Variants in MYH9 observed in about 807,000 individuals in gnomAD.
MYH9 encodes myosin-9.
MYH9 carries 29 observed loss-of-function variants against 241.9 expected under a neutral mutation model. The observed-to-expected ratio is 0.12, with a 90% CI of 0.09 to 0.16. MYH9 has a LOEUF of 0.16. Ranked by LOEUF, MYH9 falls within the 10% of genes least tolerant of loss-of-function variation. The probability of loss-of-function intolerance (pLI) is 1.00; values close to 1 mark genes in which losing one functional copy is unlikely to be tolerated. For missense variants in MYH9, 1,803 were observed against 2,595.5 expected, an observed-to-expected ratio of 0.69 and a Z score of 6.63; for synonymous variants, 1,047 against 1,062.6, an observed-to-expected ratio of 0.99 and a Z score of 0.29.
rs1368162237 is a variant in MYH9, at chr22:36,281,746, C to CA, written c.*921dup. 1 of 231,188 alleles carries CA rather than the reference C, an allele frequency of 4.3e-6. No homozygotes were observed. Among genetic ancestry groups the CA allele is most frequent in the African/African-American group, 2.2e-5 (1 of 45,204 alleles). 14.3% of individuals were successfully genotyped at this position (231,188 alleles called of 1,614,324 possible). A position where few individuals can be genotyped will look rare whatever the true frequency, so the allele number is the denominator to read the frequency against. On this transcript the variant is annotated 3_prime_UTR_variant, in exon 41 of 41. Transcript: ENST00000216181. ...GGCAGATTTTTAAACTATACTGAGT[C>CA]AACGGTGCAGGTAAACCACCCTCGG...
chr22:36,386,887 A>C (rs995184049), intron 1 of MYH9, among the ~76,000 whole-genome samples: 1 of 152,238 alleles, frequency 6.6e-6, no homozygotes, highest in African/African-American at 2.4e-5. Flanking sequence ...GAGAATAGAA[A>C]ACTCCGATTT....
At chr22:36,286,584 T>G (rs2016585129) in intron 35 of MYH9, 134 bp downstream of exon 35, 1 of 1,270,450 alleles carries the variant, frequency 7.9e-7, no homozygotes, top group Non-Finnish European at 1.1e-6. Context: ...GGAATCCTTA[T>G]GTAACCTGAG....
chr22:36,304,103 A>C lies in MYH9; in HGVS notation c.2282T>G (p.Val761Gly). 6.2e-7 allele frequency: 1 copy of C among 1,613,718 alleles called. No individual in the cohort carries two copies. Among genetic ancestry groups the C allele is most frequent in the Non-Finnish European group, 8.5e-7 (1 of 1,180,014 alleles). ...SNLYRIGQSK[V>G]FFRAGVLAHL... ...GGCCAGCACACCGGCACGGAAGAAG[A>C]CTTTGCTCTGGCCAATGCGGTACAG... is the stretch of plus-strand genomic sequence containing the variant. Residue 761 changes from valine (V) to glycine (G), a missense_variant, in exon 19 of 41, where the codon GTC becomes GGC. Transcript: ENST00000216181.
chr22:36,354,803 T>C (rs758417052), intron 1 of MYH9, among the ~76,000 whole-genome samples: 1 of 151,766 alleles, frequency 6.6e-6, no homozygotes, highest in Non-Finnish European at 1.5e-5. Context: ...GAAAAGAACA[T>C]ACAAACACTT....
intron 1 of MYH9, among the ~76,000 whole-genome samples, chr22:36,364,437 G>A (rs1603484360): frequency 6.6e-6 from 1 of 152,230 alleles, no homozygotes; most frequent in Non-Finnish European, 1.5e-5. Context: ...CCACTCTTAA[G>A]TGCCTGATGT....
chr22:36,368,987 G>A lies in MYH9; in HGVS notation c.-20+18820C>T, dbSNP rs117960963. ...CTGTGACCTGTATTAAAAGGGAAGAGACCCACCCCTCTGCAGCCCCTCTGT... is the reference window on the plus strand; with the variant it reads ...CTGTGACCTGTATTAAAAGGGAAGAAACCCACCCCTCTGCAGCCCCTCTGT... On this transcript the variant is annotated intron_variant, in intron 1 of 40. Transcript: ENST00000216181. 3.4e-3 allele frequency among the ~76,000 whole-genome samples: 513 copies of A among 152,180 alleles called. 6 individuals carry two copies. In the East Asian group the frequency reaches 0.049, roughly 15 times the overall value.
At chr22:36,351,595 G>A (rs1177362014) in intron 1 of MYH9, among the ~76,000 whole-genome samples, 3 of 152,090 alleles carry the variant, frequency 2.0e-5, no homozygotes, top group African/African-American at 7.2e-5. Context: ...TCCCTACCAT[G>A]TGTCTAACCA....
At chr22:36,284,340 G>A in intron 39 of MYH9, 63 bp downstream of exon 39, 1 of 1,605,372 alleles carries the variant, frequency 6.2e-7, no homozygotes, top group Non-Finnish European at 8.5e-7. Flanking sequence ...CCACTGCCCT[G>A]CCTGTCACCC....
At chr22:36,345,011 CT>C (rs2146388312) in intron 2 of MYH9, among the ~76,000 whole-genome samples, 1 of 152,332 alleles carries the variant, frequency 6.6e-6, no homozygotes, top group Non-Finnish European at 1.5e-5. Context: ...TGGCTGGGTA[CT>C]TTAGAAAGTT....
chr22:36,337,999 T>C lies in MYH9; in HGVS notation c.490+3371A>G, dbSNP rs78004216. Reference sequence around the variant, plus strand: ...ACAAAAAGAAGGAACTTTCTTTTCTTTTTTTTTTTTTTAATTGAGACCAAG... The same window carrying C: ...ACAAAAAGAAGGAACTTTCTTTTCTCTTTTTTTTTTTTAATTGAGACCAAG... On this transcript the variant is annotated intron_variant, in intron 3 of 40. Transcript: ENST00000216181. Among the ~76,000 whole-genome samples, 819 of 138,620 alleles carry C rather than the reference T, an allele frequency of 5.9e-3. 26 individuals carry two copies. The East Asian group carries it at 0.091, about 15-fold the overall frequency. 90.9% of individuals were successfully genotyped at this position (138,620 alleles called of 152,430 possible). A position where few individuals can be genotyped will look rare whatever the true frequency, so the allele number is the denominator to read the frequency against.
Position 36,301,060 on chromosome 22 carries a change from G to A in MYH9, c.2632-3C>T, listed in dbSNP as rs545172490. ...AGCTGCAATTTCTCTGCCATGAGCT[G>A]CAAACAACAAGTGGAAAACACAAGC... On this transcript the variant is annotated splice_polypyrimidine_tract_variant and splice_region_variant and intron_variant, in intron 21 of 40. Coordinates refer to ENST00000216181, the MANE Select transcript of MYH9 (RefSeq NM_002473.6). The A allele has an allele frequency of 1.2e-6, 2 of 1,608,546 alleles. No individual in the cohort carries two copies. Among genetic ancestry groups the A allele is most frequent in the Middle Eastern group, 1.7e-4 (1 of 6,044 alleles).
At chr22:36,334,282 C>T (rs1047262990) in intron 3 of MYH9, among the ~76,000 whole-genome samples, 1 of 152,194 alleles carries the variant, frequency 6.6e-6, no homozygotes, top group Non-Finnish European at 1.5e-5. Context: ...CGCATCAGCT[C>T]GAGGACAGCG....
Position 36,313,286 on chromosome 22 carries a change from C to T in MYH9, c.1554+859G>A, listed in dbSNP as rs142261462. On this transcript the variant is annotated intron_variant, in intron 13 of 40. Transcript: ENST00000216181. ...AGACCACGGTGAAACTCCGCCTCCA[C>T]TAAAAATACAAAAAAATTAGCTGGG... is the stretch of plus-strand genomic sequence containing the variant. Among the ~76,000 whole-genome samples, 499 of 151,338 alleles carry T rather than the reference C, an allele frequency of 3.3e-3. 1 individual carries two copies. The highest frequency in any genetic ancestry group is 0.011 in the African/African-American group (471 of 41,238).
At chr22:36,333,265 C>T (rs910964101) in intron 3 of MYH9, among the ~76,000 whole-genome samples, 27 of 152,210 alleles carry the variant, frequency 1.8e-4, no homozygotes, top group African/African-American at 6.5e-4. Flanking sequence ...AGGAGGTGAA[C>T]AGTTAACAGC....
At chr22:36,351,859 G>T (rs1178417632) in intron 1 of MYH9, among the ~76,000 whole-genome samples, 2 of 151,920 alleles carry the variant, frequency 1.3e-5, no homozygotes, top group African/African-American at 4.8e-5. Flanking sequence ...TGAGGACATC[G>T]GTGCCCCTCA....
At position 36,293,678 on chromosome 22, in the gene MYH9, T is replaced by A. The variant is rs1458899305; in HGVS notation, c.3942+81A>T. ...ATGAAGGAGAGGATGGGCAATCCGA[T>A]GGGCTCTGAAGCTAATGTTGCGTGG... On this transcript the variant is annotated intron_variant, in intron 29 of 40. Transcript: ENST00000216181. The surrounding 1 kb of genome is among the most constrained non-coding windows in gnomAD (Gnocchi z 5.1). 1.4e-6 allele frequency: 2 copies of A among 1,395,422 alleles called. No homozygotes were observed. The highest frequency in any genetic ancestry group is 1.0e-6 in the Non-Finnish European group (1 of 995,522). 86.4% of individuals were successfully genotyped at this position (1,395,422 alleles called of 1,614,324 possible).
intron 5 of MYH9, 65 bp downstream of exon 5, chr22:36,326,503 C>T (rs2017337859): frequency 7.2e-7 from 1 of 1,391,356 alleles, no homozygotes; most frequent in Non-Finnish European, 1.0e-6. Flanking sequence ...CCACTAAGTG[C>T]TCTTCCTCCA....
At chr22:36,308,598 C>T (rs899331128) in intron 15 of MYH9, among the ~76,000 whole-genome samples, 2 of 152,272 alleles carry the variant, frequency 1.3e-5, no homozygotes, top group East Asian at 3.9e-4. Flanking sequence ...GACACAGCCC[C>T]TCATTTGCCC....
At chr22:36,363,981 T>C (rs2017972994) in intron 1 of MYH9, among the ~76,000 whole-genome samples, 1 of 152,218 alleles carries the variant, frequency 6.6e-6, no homozygotes, top group African/African-American at 2.4e-5. Flanking sequence ...CTCAAGCATG[T>C]GAGCACAGTT....
Sources: gnomAD v4.1 joint callset for allele counts (sites outside exome capture counted in the v4.1 genomes callset) on GRCh38, gnomAD v4.1.1 for gene constraint, Gnocchi (gnomAD v3.1) non-coding constraint, MANE v1.5 for transcripts, NCBI Gene and HGNC (gene_info 2026-07-23, HGNC 2026-07-21) for gene names.